Variants in SACS observed in about 807,000 individuals in gnomAD.
SACS encodes the protein sacsin.
In SACS, 197 loss-of-function variants were observed where a neutral mutation model predicts 348.0. The observed-to-expected ratio is 0.57, with a 90% CI of 0.50 to 0.64. SACS has a LOEUF of 0.64. Among genes scored for constraint, SACS ranks in the 30% least tolerant of loss-of-function variants. SACS has a pLI of 0.00. For missense variants in SACS, 4,999 were observed against 5,360.8 expected, an observed-to-expected ratio of 0.93 and a Z score of 2.11; for synonymous variants, 1,985 against 1,910.6, an observed-to-expected ratio of 1.04 and a Z score of -1.02.
At chr13:23,350,324 G>C (rs1566076821) in intron 9 of SACS, among the ~76,000 whole-genome samples, 3 of 152,162 alleles carry the variant, frequency 2.0e-5, no homozygotes, top group Non-Finnish European at 4.4e-5. Context: ...GCTGGACTAT[G>C]ATAGAATACA....
At position 23,335,488 on chromosome 13, in the gene SACS, G is replaced by A. The variant is rs1222650543; in HGVS notation, c.8388C>T (p.Asp2796=). The A allele has an allele frequency of 1.2e-6, 2 of 1,613,676 alleles. No individual in the cohort carries two copies. Among genetic ancestry groups the A allele is most frequent in the Non-Finnish European group, 1.7e-6 (2 of 1,179,864 alleles). Residue 2796 remains aspartate, a synonymous_variant, in exon 10 of 10, where the codon GAC becomes GAT. Coordinates refer to ENST00000382292, the MANE Select transcript of SACS (RefSeq NM_014363.6). The surrounding 1 kb of genome is among the most constrained non-coding windows in gnomAD (Gnocchi z 4.7). The part of the protein sequence containing the change: ...DSVTKKRQLK[D]IPVQQITYTM... ...TATAGGTTATTTGTTGAACTGGTATGTCTTTGAGCTGCCTCTTTTTAGTAA... is the reference window on the plus strand; with the variant it reads ...TATAGGTTATTTGTTGAACTGGTATATCTTTGAGCTGCCTCTTTTTAGTAA...
Position 23,334,627 on chromosome 13 carries a change from A to G in SACS, c.9249T>C (p.Leu3083=). The G allele has an allele frequency of 3.7e-6, 6 of 1,613,558 alleles. No homozygotes were observed. Among genetic ancestry groups the G allele is most frequent in the Non-Finnish European group, 5.1e-6 (6 of 1,179,768 alleles). The part of the protein sequence containing the change: ...CDETANLYHC[L]IDADIPVSYV... ...AACTAACAGGAATATCTGCATCTAT[A>G]AGACAGTGGTAAAGATTAGCAGTTT... Residue 3083 remains leucine (L), a synonymous_variant, in exon 10 of 10, where the codon CTT becomes CTC. Coordinates refer to ENST00000382292, the MANE Select transcript of SACS (RefSeq NM_014363.6).
At chr13:23,400,285 A>G (rs980433343) in intron 2 of SACS, among the ~76,000 whole-genome samples, 2 of 152,338 alleles carry the variant, frequency 1.3e-5, no homozygotes, top group Non-Finnish European at 2.9e-5. Context: ...GTCACAATAT[A>G]TAGGGTCAAA....
chr13:23,394,907 G>A (rs1325662983), intron 2 of SACS, among the ~76,000 whole-genome samples: 1 of 152,122 alleles, frequency 6.6e-6, no homozygotes, highest in African/African-American at 2.4e-5. Flanking sequence ...TCTTATCATT[G>A]GATCCTTGGA....
chr13:23,408,405 A>T (rs1741755511), intron 2 of SACS, among the ~76,000 whole-genome samples: 1 of 152,206 alleles, frequency 6.6e-6, no homozygotes, highest in African/African-American at 2.4e-5. Context: ...GCTTTCAACA[A>T]ATGAGATTCG....
At chr13:23,416,555 C>T (rs1305803152) in intron 1 of SACS, among the ~76,000 whole-genome samples, 1 of 151,986 alleles carries the variant, frequency 6.6e-6, no homozygotes, top group African/African-American at 2.4e-5. Flanking sequence ...CCCAGGAGTT[C>T]GAGGCCAGCC....
At chr13:23,366,274 C>G (rs1871054651) in intron 5 of SACS, among the ~76,000 whole-genome samples, 1 of 152,172 alleles carries the variant, frequency 6.6e-6, no homozygotes. Flanking sequence ...ACTGAGGGAG[C>G]AGAAGTGAAA....
chr13:23,353,321 G>T (rs1320950246), intron 9 of SACS, among the ~76,000 whole-genome samples: 1 of 152,156 alleles, frequency 6.6e-6, no homozygotes, highest in Admixed American at 6.5e-5. Context: ...TAAAACCATG[G>T]AGGGGCAGTG....
intron 2 of SACS, among the ~76,000 whole-genome samples, chr13:23,388,422 GTATATATATA>G (rs71185075): frequency 1.1e-5 from 1 of 93,526 alleles, no homozygotes; most frequent in African/African-American, 3.3e-5. Context: ...TGGTGTGTGT[GTATATATATA>G]TATATGGTAC....
intron 4 of SACS, among the ~76,000 whole-genome samples, chr13:23,368,733 C>T (rs1871203266): frequency 6.6e-6 from 1 of 152,194 alleles, no homozygotes; most frequent in Admixed American, 6.5e-5. Context: ...GAGTCTCGCT[C>T]TGTCGCCCAA....
In SACS at chr13:23,336,319, G is replaced by A. The variant is rs1483616012; in HGVS notation, c.7557C>T (p.Gly2519=). Reference sequence around the variant, plus strand: ...ATTTTTCTTTCTGCCCAAATTCTGTGCCAAGTGTTGTAAAACAGACATTGG... The same window carrying A: ...ATTTTTCTTTCTGCCCAAATTCTGTACCAAGTGTTGTAAAACAGACATTGG... ...YASNVCFTTL[G]TEFGQKEKLT... is the part of the protein sequence containing the mutation. The change falls in exon 10 of 10, where the codon GGC becomes GGT. Residue 2519 remains glycine (G), a synonymous_variant. Transcript: ENST00000382292. 6.2e-7 allele frequency: 1 copy of A among 1,614,034 alleles called. No homozygotes were observed. The highest frequency in any genetic ancestry group is 1.1e-5 in the South Asian group (1 of 91,076).
chr13:23,398,073 C>A (rs1247338784), intron 2 of SACS, among the ~76,000 whole-genome samples: 2 of 151,316 alleles, frequency 1.3e-5, no homozygotes, highest in African/African-American at 4.9e-5. Context: ...TGCCTGTAAT[C>A]CCAGCTACTC....
chr13:23,402,949 A>C (rs1244315913), intron 2 of SACS, among the ~76,000 whole-genome samples: 1 of 132,856 alleles, frequency 7.5e-6, no homozygotes, highest in Non-Finnish European at 1.7e-5. Context: ...AGGCCAAGGC[A>C]GGCAGATCAC....
intron 2 of SACS, among the ~76,000 whole-genome samples, chr13:23,392,776 C>T (rs1872576415): frequency 2.0e-5 from 3 of 152,056 alleles, no homozygotes; most frequent in South Asian, 4.1e-4. Flanking sequence ...TTGTTTCATT[C>T]GGATGCAGAG....
chr13:23,340,449 G>A lies in SACS; in HGVS notation c.3427C>T (p.Gln1143Ter), dbSNP rs144267558. 3 of 1,613,996 alleles carry A rather than the reference G, an allele frequency of 1.9e-6. No individual in the cohort carries two copies. Among genetic ancestry groups the A allele is most frequent in the Non-Finnish European group, 1.7e-6 (2 of 1,179,982 alleles). ...LVLNKNHTLL[Q>*]SSEGKMTLKK... The stretch of plus-strand genomic sequence containing the variant: ...AATGTCATCTTTCCTTCAGATGATT[G>A]CAACAGTGTGTGATTCTTATTTAAA... Residue 1143 changes from glutamine to a stop codon, truncating the protein, a stop_gained, in exon 10 of 10, where the codon CAA becomes TAA. Coordinates refer to ENST00000382292, the MANE Select transcript of SACS (RefSeq NM_014363.6). LOFTEE classifies it high-confidence loss of function.
chr13:23,400,114 G>A (rs1170433009), intron 2 of SACS, among the ~76,000 whole-genome samples: 1 of 152,142 alleles, frequency 6.6e-6, no homozygotes, highest in East Asian at 1.9e-4. Context: ...AGGAAGGAAG[G>A]AAGGAAAACA....
rs1383772889 is a variant in SACS at position 23,332,379 on chromosome 13, C to G, written c.11497G>C (p.Gly3833Arg). The G allele has an allele frequency of 6.2e-7, 1 of 1,613,778 alleles. No individual in the cohort carries two copies. Among genetic ancestry groups the G allele is most frequent in the Non-Finnish European group, 8.5e-7 (1 of 1,179,892 alleles). The stretch of plus-strand genomic sequence containing the variant: ...TGTTTGAACAACTGGTGAAATGTGC[C>G]AAGTTCTAAAGGTAGCTTGTACAAA... ...PYLYKLPLELGTFHQLFKHLG... is the reference protein window; with the variant it reads ...PYLYKLPLELRTFHQLFKHLG... The change falls in exon 10 of 10, where the codon GGC becomes CGC. Residue 3833 changes from glycine (G) to arginine (R), a missense_variant. Physicochemically the swap from Gly to Arg is moderately radical, Grantham distance 125. Around this residue, in one of 6 missense-constraint regions of SACS, gnomAD observed 831 missense variants for 941.8 expected, o/e 0.88. Coordinates refer to ENST00000382292, the MANE Select transcript of SACS (RefSeq NM_014363.6).
chr13:23,381,093 A>G (rs1872033883), intron 2 of SACS, among the ~76,000 whole-genome samples: 1 of 152,180 alleles, frequency 6.6e-6, no homozygotes, highest in African/African-American at 2.4e-5. Flanking sequence ...GGACCCAAAG[A>G]TGGTTTGTAA....
rs531964414 is a variant in SACS at position 23,431,625 on chromosome 13, G to A, written c.-502+1990C>T. On this transcript the variant is annotated intron_variant, in intron 1 of 9. Coordinates refer to ENST00000382292, the MANE Select transcript of SACS (RefSeq NM_014363.6). ...CCTCATGTAGGCTCATGGTGGGAGT[G>A]GTCAATATCATCATCACTGCTGCTG... 3.8e-4 allele frequency among the ~76,000 whole-genome samples: 58 copies of A among 152,058 alleles called. 1 individual carries two copies. Among genetic ancestry groups the A allele is most frequent in the Non-Finnish European group, 7.1e-4 (48 of 68,016 alleles).
Sources: allele counts gnomAD v4.1 joint callset (sites outside exome capture counted in the v4.1 genomes callset), GRCh38; gene constraint gnomAD v4.1.1; regional missense constraint gnomAD v4.1.1; non-coding constraint Gnocchi (gnomAD v3.1); transcripts MANE v1.5; gene names NCBI Gene and HGNC (gene_info 2026-07-23, HGNC 2026-07-21).